Variants in SEMA3A observed in about 807,000 individuals in gnomAD.
The protein encoded by SEMA3A is semaphorin 3A.
In SEMA3A, 29 loss-of-function variants were observed where a neutral mutation model predicts 97.9. The ratio of observed to expected loss-of-function variants is 0.30; its 90% CI spans 0.22 to 0.40. The LOEUF (loss-of-function observed/expected upper bound fraction) is 0.40, where lower values mean the gene tolerates loss of function less well. Among genes scored for constraint, SEMA3A ranks in the 10% least tolerant of loss-of-function variants. The pLI is 1.00. For missense variants in SEMA3A, 763 were observed against 951.3 expected (o/e 0.80, Z 2.60); for synonymous variants, 321 against 323.7 (o/e 0.99, Z 0.09).
chr7:84,062,724 C>T (rs575595309), intron 4 of SEMA3A, among the ~76,000 whole-genome samples: 10 of 152,328 alleles, frequency 6.6e-5, no homozygotes, highest in East Asian at 3.9e-4. Context: ...GCTTAAAAAA[C>T]GGCGCATCAC....
intron 12 of SEMA3A, among the ~76,000 whole-genome samples, chr7:83,994,866 T>C (rs1790139768): frequency 6.6e-6 from 1 of 152,150 alleles, no homozygotes; most frequent in Non-Finnish European, 1.5e-5. Context: ...TCCCGGCTGC[T>C]TTGTTTACCT....
chr7:84,233,595 T>C (rs1044897264), intron 3 of SEMA3A, among the ~76,000 whole-genome samples: 4 of 151,972 alleles, frequency 2.6e-5, no homozygotes, highest in Non-Finnish European at 5.9e-5. Flanking sequence ...TTAAAGATAA[T>C]AGAAAAGTGA....
chr7:84,032,540 A>C (rs964833506), intron 6 of SEMA3A, among the ~76,000 whole-genome samples: 1 of 152,170 alleles, frequency 6.6e-6, no homozygotes, highest in African/African-American at 2.4e-5. Flanking sequence ...ATTCTTGAAA[A>C]TGCCTAATTA....
chr7:84,010,944 T>C, intron 9 of SEMA3A, 78 bp downstream of exon 9: 2 of 1,095,030 alleles, frequency 1.8e-6, no homozygotes, highest in Non-Finnish European at 2.7e-6. Flanking sequence ...TTCAAAAATA[T>C]ACTTTTGCAA....
chr7:84,255,786 A>G (rs1182697482), intron 3 of SEMA3A, among the ~76,000 whole-genome samples: 1 of 151,504 alleles, frequency 6.6e-6, no homozygotes, highest in Non-Finnish European at 1.5e-5. Context: ...AAAAACAGAA[A>G]CACTCGGCAC....
At chr7:83,978,222 C>G (rs1290783216) in intron 14 of SEMA3A, among the ~76,000 whole-genome samples, 1 of 152,080 alleles carries the variant, frequency 6.6e-6, no homozygotes, top group African/African-American at 2.4e-5. Context: ...GGCAAGGCCT[C>G]CTCTTGCCAG....
At chr7:84,249,524 A>T (rs1053418781) in intron 3 of SEMA3A, among the ~76,000 whole-genome samples, 2 of 152,092 alleles carry the variant, frequency 1.3e-5, no homozygotes, top group African/African-American at 4.8e-5. Flanking sequence ...ATGGGTTAAG[A>T]TATATTTTTC....
At chr7:84,175,299 T>C (rs1797528364) in intron 1 of SEMA3A, among the ~76,000 whole-genome samples, 1 of 152,202 alleles carries the variant, frequency 6.6e-6, no homozygotes, top group Non-Finnish European at 1.5e-5. Context: ...ATCCATTAAA[T>C]GGGAATTATT....
At chr7:84,037,251 G>A (rs1413609392) in intron 6 of SEMA3A, among the ~76,000 whole-genome samples, 1 of 151,748 alleles carries the variant, frequency 6.6e-6, no homozygotes, top group Non-Finnish European at 1.5e-5. Context: ...AGCAACACCA[G>A]TTTTCCATAA....
intron 3 of SEMA3A, among the ~76,000 whole-genome samples, chr7:84,297,468 T>G (rs113586069): frequency 6.6e-6 from 1 of 152,102 alleles, no homozygotes; most frequent in African/African-American, 2.4e-5. Flanking sequence ...CAAACACATA[T>G]TTAGAATAAA....
chr7:84,078,978 G>C (rs1235176980), intron 4 of SEMA3A, among the ~76,000 whole-genome samples: 2 of 151,946 alleles, frequency 1.3e-5, no homozygotes, highest in African/African-American at 4.8e-5. Flanking sequence ...TGTATTACCA[G>C]TTGAATTGAC....
intron 4 of SEMA3A, among the ~76,000 whole-genome samples, chr7:84,088,655 CATTA>C (rs923965024): frequency 4.6e-5 from 7 of 152,108 alleles, no homozygotes; most frequent in Admixed American, 1.3e-4. Context: ...ATGATAGAAT[CATTA>C]ATTAACATTT....
At chr7:84,008,563 G>A (rs1790762437) in intron 9 of SEMA3A, among the ~76,000 whole-genome samples, 1 of 151,128 alleles carries the variant, frequency 6.6e-6, no homozygotes, top group Non-Finnish European at 1.5e-5. Context: ...CTTGAGTAAT[G>A]TATTTATACA....
At chr7:84,145,705 C>T (rs1006212285) in intron 1 of SEMA3A, among the ~76,000 whole-genome samples, 7 of 152,066 alleles carry the variant, frequency 4.6e-5, no homozygotes, top group Non-Finnish European at 7.4e-5. Flanking sequence ...TTCTGTTTTG[C>T]CAGCAGCATT....
intron 1 of SEMA3A, among the ~76,000 whole-genome samples, chr7:84,381,069 C>T (rs1281999470): frequency 6.6e-6 from 1 of 152,164 alleles, no homozygotes; most frequent in Non-Finnish European, 1.5e-5. Context: ...ATCGTTATTG[C>T]CTACCAGATC....
At chr7:84,212,794 A>G (rs1472929709) in intron 3 of SEMA3A, among the ~76,000 whole-genome samples, 1 of 152,008 alleles carries the variant, frequency 6.6e-6, no homozygotes, top group Non-Finnish European at 1.5e-5. Flanking sequence ...CCTTTCTTTT[A>G]TGACTTTTCT....
intron 4 of SEMA3A, among the ~76,000 whole-genome samples, chr7:84,078,614 G>A (rs1794034734): frequency 6.6e-6 from 1 of 151,984 alleles, no homozygotes; most frequent in African/African-American, 2.4e-5. Context: ...ATTAATCATG[G>A]TTGGACAAGG....
intron 3 of SEMA3A, among the ~76,000 whole-genome samples, chr7:84,234,135 T>C (rs1338010876): frequency 1.3e-5 from 2 of 152,016 alleles, no homozygotes; most frequent in African/African-American, 4.8e-5. Flanking sequence ...GGGGTGTTAG[T>C]GATGGCCATT....
intron 1 of SEMA3A, among the ~76,000 whole-genome samples, chr7:84,426,294 A>T (rs1343291669): frequency 6.6e-6 from 1 of 151,726 alleles, no homozygotes; most frequent in Non-Finnish European, 1.5e-5. Flanking sequence ...ATAGATAGAT[A>T]GATAGATAGA....
Sources: gnomAD v4.1 joint callset for allele counts (sites outside exome capture counted in the v4.1 genomes callset) on GRCh38, gnomAD v4.1.1 for gene constraint, MANE v1.5 for transcripts, NCBI Gene and HGNC (gene_info 2026-07-23, HGNC 2026-07-21) for gene names.